Variants in CCDC148 observed in about 807,000 individuals in gnomAD.
CCDC148 encodes the protein coiled-coil domain-containing protein 148.
Under a neutral mutation model 85.7 loss-of-function variants are expected in CCDC148, and 89 were observed. The observed-to-expected ratio is 1.04, with a 90% CI of 0.87 to 1.24. CCDC148 has a LOEUF of 1.24. Ranked by LOEUF, CCDC148 falls within the 50% of genes most tolerant of loss-of-function variation. CCDC148 has a pLI of 0.00. For synonymous variants in CCDC148, 230 were observed against 213.9 expected, an observed-to-expected ratio of 1.08 and a Z score of -0.66; for missense variants, 692 against 671.7, an observed-to-expected ratio of 1.03 and a Z score of -0.33.
At chr2:158,430,754 G>A (rs1013988781) in intron 1 of CCDC148, among the ~76,000 whole-genome samples, 1 of 151,814 alleles carries the variant, frequency 6.6e-6, no homozygotes, top group Non-Finnish European at 1.5e-5. Context: ...ATTTTAAAAA[G>A]CACAAAAAAT....
At chr2:158,333,341 T>G (rs1162229323) in intron 7 of CCDC148, among the ~76,000 whole-genome samples, 1 of 152,238 alleles carries the variant, frequency 6.6e-6, no homozygotes, top group Non-Finnish European at 1.5e-5. Flanking sequence ...TTGAGTTTCT[T>G]AATCCTGAGT....
intron 10 of CCDC148, 63 bp from the exon 11 acceptor site, chr2:158,220,776 C>T: frequency 7.9e-7 from 1 of 1,263,656 alleles, no homozygotes; most frequent in South Asian, 1.3e-5. Flanking sequence ...GAGGGAAAAG[C>T]CATAACCATA....
chr2:158,354,564 T>G (rs895508278), intron 2 of CCDC148, among the ~76,000 whole-genome samples: 5 of 152,096 alleles, frequency 3.3e-5, no homozygotes, highest in Admixed American at 2.0e-4. Flanking sequence ...AAGAACAGGA[T>G]CTGAAATTGT....
At chr2:158,267,628 A>G (rs1414069723) in intron 9 of CCDC148, among the ~76,000 whole-genome samples, 1 of 152,186 alleles carries the variant, frequency 6.6e-6, no homozygotes, top group East Asian at 1.9e-4. Flanking sequence ...ACAATAGAAA[A>G]ACATATAAAT....
rs528787048 is a variant in CCDC148, at chr2:158,205,262, G to A, written c.1370+15333C>T. 2.0e-5 allele frequency among the ~76,000 whole-genome samples: 3 copies of A among 152,278 alleles called. No individual in the cohort carries two copies. In the South Asian group the frequency reaches 6.2e-4, roughly 32 times the overall value. ...TTGGCTGTAGGAGTGGGGAGTAAGA[G>A]AGGGAAGAGTCACCTTGGGCTTCTG... On this transcript the variant is annotated intron_variant, in intron 11 of 13. Coordinates refer to ENST00000283233, the MANE Select transcript of CCDC148 (RefSeq NM_138803.4).
At chr2:158,297,389 C>G (rs1263285257) in intron 9 of CCDC148, among the ~76,000 whole-genome samples, 2 of 152,128 alleles carry the variant, frequency 1.3e-5, no homozygotes, top group African/African-American at 4.8e-5. Context: ...TACCTTTTCA[C>G]TTGGGCCATG....
intron 10 of CCDC148, among the ~76,000 whole-genome samples, chr2:158,231,491 G>C (rs1406284675): frequency 1.3e-5 from 2 of 152,182 alleles, no homozygotes; most frequent in Middle Eastern, 3.4e-3. Context: ...TGGGCATTTA[G>C]TACATGCCTG....
At chr2:158,351,824 C>T (rs1321499029) in intron 2 of CCDC148, among the ~76,000 whole-genome samples, 45 of 143,492 alleles carry the variant, frequency 3.1e-4, no homozygotes, top group African/African-American at 8.1e-4. Context: ...TTAAATGTCC[C>T]TGTCTGACAG....
chr2:158,304,702 T>C (rs1691601154), intron 9 of CCDC148, among the ~76,000 whole-genome samples: 1 of 152,146 alleles, frequency 6.6e-6, no homozygotes, highest in Non-Finnish European at 1.5e-5. Flanking sequence ...AAGAAAAAGC[T>C]GAATCACTTA....
At chr2:158,254,635 G>A (rs1256846454) in intron 9 of CCDC148, among the ~76,000 whole-genome samples, 1 of 151,596 alleles carries the variant, frequency 6.6e-6, no homozygotes, top group Non-Finnish European at 1.5e-5. Flanking sequence ...AGGAAGATCT[G>A]TAATACATTG....
intron 1 of CCDC148, among the ~76,000 whole-genome samples, chr2:158,400,112 T>C (rs1026341673): frequency 6.6e-6 from 1 of 152,040 alleles, no homozygotes; most frequent in African/African-American, 2.4e-5. Context: ...AGAATCAATA[T>C]CGTGAAAATG....
chr2:158,389,860 C>A (rs1685234230), intron 1 of CCDC148, among the ~76,000 whole-genome samples: 3 of 152,168 alleles, frequency 2.0e-5, no homozygotes, highest in Admixed American at 2.0e-4. Context: ...ATTGTCAAAT[C>A]TGACTCAGGA....
intron 9 of CCDC148, among the ~76,000 whole-genome samples, chr2:158,273,865 CCCAA>C (rs1294770955): frequency 2.0e-5 from 3 of 152,008 alleles, no homozygotes; most frequent in African/African-American, 7.2e-5. Context: ...GCCTCCCCCA[CCCAA>C]CCAAAAAAAA....
chr2:158,399,927 C>A (rs751707298), intron 1 of CCDC148, among the ~76,000 whole-genome samples: 4 of 152,108 alleles, frequency 2.6e-5, no homozygotes, highest in Admixed American at 6.6e-5. Flanking sequence ...AGAGCCAAAT[C>A]ATAAGTGAAC....
At chr2:158,212,837 A>C (rs946693645) in intron 11 of CCDC148, among the ~76,000 whole-genome samples, 1 of 152,144 alleles carries the variant, frequency 6.6e-6, no homozygotes, top group Non-Finnish European at 1.5e-5. Flanking sequence ...TATAAGTTTC[A>C]CCTATATGAC....
At chr2:158,181,656 A>G (rs1684909814) in intron 11 of CCDC148, among the ~76,000 whole-genome samples, 1 of 152,152 alleles carries the variant, frequency 6.6e-6, no homozygotes, top group Non-Finnish European at 1.5e-5. Context: ...GAGAGAATAG[A>G]AAGAATGATT....
At position 158,326,665 on chromosome 2, in the gene CCDC148, T is replaced by C. The variant is rs74696212; in HGVS notation, c.764+12061A>G. Among the ~76,000 whole-genome samples the C allele has an allele frequency of 7.4e-3, 1,126 of 152,256 alleles. 19 individuals are homozygous for C. Among genetic ancestry groups the C allele is most frequent in the African/African-American group, 0.026 (1,075 of 41,552 alleles). Reference sequence around the variant, plus strand: ...TATGTTGCCAACATTTTCCTGTTACTTCATTTTTACCCTTGTCAATTTTTT... The same window carrying C: ...TATGTTGCCAACATTTTCCTGTTACCTCATTTTTACCCTTGTCAATTTTTT... On this transcript the variant is annotated intron_variant, in intron 7 of 13. Coordinates refer to ENST00000283233, the MANE Select transcript of CCDC148 (RefSeq NM_138803.4).
At chr2:158,265,892 C>T (rs1689431403) in intron 9 of CCDC148, among the ~76,000 whole-genome samples, 1 of 152,104 alleles carries the variant, frequency 6.6e-6, no homozygotes, top group Admixed American at 6.6e-5. Context: ...CAAGAGCCAC[C>T]CTAGACTTCT....
At chr2:158,302,716 G>T (rs566707909) in intron 9 of CCDC148, among the ~76,000 whole-genome samples, 2 of 151,928 alleles carry the variant, frequency 1.3e-5, no homozygotes, top group East Asian at 3.9e-4. Context: ...CCCAGGAGTT[G>T]GAGGTTGCAG....
Sources: gnomAD v4.1 joint callset for allele counts (sites outside exome capture counted in the v4.1 genomes callset) on GRCh38, gnomAD v4.1.1 for gene constraint, MANE v1.5 for transcripts, NCBI Gene and HGNC (gene_info 2026-07-23, HGNC 2026-07-21) for gene names.